The following KIAA0930 variants were observed in gnomAD, a reference collection of about 807,000 sequenced individuals.
KIAA0930 encodes the protein uncharacterized protein KIAA0930.
Under a neutral mutation model 43.9 loss-of-function variants are expected in KIAA0930, and 24 were observed. The ratio of observed to expected loss-of-function variants is 0.55; its 90% confidence interval spans 0.40 to 0.77. The LOEUF is 0.77. Among genes scored for constraint, KIAA0930 ranks in the 30% least tolerant of loss-of-function variants. The pLI is 0.00. For missense variants in KIAA0930, 461 were observed against 574.2 expected (o/e 0.80, Z 2.02); for synonymous variants, 259 against 216.4 (o/e 1.20, Z -1.73).
intron 9 of KIAA0930, among the ~76,000 whole-genome samples, 186 bp from the exon 10 acceptor site, chr22:45,197,402 C>T (rs987329950): frequency 2.0e-5 from 3 of 152,172 alleles, no homozygotes; most frequent in Admixed American, 6.5e-5. Flanking sequence ...GAAATGGGCT[C>T]GCAGCAACGG....
intron 1 of KIAA0930, among the ~76,000 whole-genome samples, chr22:45,239,168 G>A (rs2083903413): frequency 6.6e-6 from 1 of 152,166 alleles, no homozygotes; most frequent in African/African-American, 2.4e-5. Flanking sequence ...CAGGGGAGTG[G>A]GGAGGGACTG....
intron 1 of KIAA0930, 128 bp downstream of exon 1, chr22:45,240,512 A>C (rs181095479): frequency 0.012 from 6,882 of 567,558 alleles, 69 homozygotes; most frequent in Non-Finnish European, 0.017. Context: ...GTACCCAGGC[A>C]GACCCAGAGA....
intron 1 of KIAA0930, among the ~76,000 whole-genome samples, chr22:45,222,341 G>C (rs2083772361): frequency 6.6e-6 from 1 of 152,036 alleles, no homozygotes; most frequent in Non-Finnish European, 1.5e-5. Flanking sequence ...TTTGAGACAG[G>C]GTCCCACTCT....
chr22:45,232,213 G>C (rs1250147179), intron 1 of KIAA0930, among the ~76,000 whole-genome samples: 3 of 152,210 alleles, frequency 2.0e-5, no homozygotes, highest in African/African-American at 7.2e-5. Flanking sequence ...ACACACGAGG[G>C]TGTGCAGGGC....
rs528713111 is a variant in KIAA0930 at position 45,225,087 on chromosome 22, T to C, written c.65-12980A>G. ...TCATGGTCCAAAGGTGGGGGTCAACTGGACTCTTTGGGGAGAGTCCAGGCG... is the reference window on the plus strand; with the variant it reads ...TCATGGTCCAAAGGTGGGGGTCAACCGGACTCTTTGGGGAGAGTCCAGGCG... On this transcript the variant is annotated intron_variant, in intron 1 of 9. Transcript: ENST00000336156. Among the ~76,000 whole-genome samples, 126 of 152,244 alleles carry C rather than the reference T, an allele frequency of 8.3e-4. 4 individuals are homozygous for C. In the South Asian group the frequency reaches 0.013, roughly 16 times the overall value.
intron 1 of KIAA0930, chr22:45,226,251 G>A (rs1601823514): frequency 2.1e-6 from 1 of 471,054 alleles, no homozygotes; most frequent in Non-Finnish European, 4.4e-6. Flanking sequence ...CAGGCCACAT[G>A]TGTGACCACC....
In KIAA0930 at chr22:45,205,105, C is replaced by T. The variant is rs2072716; in HGVS notation, c.516+112G>A. ...ACATCTGCCTCAGCCGGACTCTTCCCGGCTCCAAGCCACCCATGCCTTTCT... is the reference window on the plus strand; with the variant it reads ...ACATCTGCCTCAGCCGGACTCTTCCTGGCTCCAAGCCACCCATGCCTTTCT... On this transcript the variant is annotated intron_variant, in intron 5 of 9. Transcript: ENST00000336156. The T allele has an allele frequency of 0.018, 14,839 of 828,352 alleles. 797 individuals carry two copies. The East Asian group carries it at 0.18, about 10-fold the overall frequency. The allele number at this position is 828,352 out of a possible 1,614,324, so 51.3% of individuals were successfully genotyped here. A position where few individuals can be genotyped will look rare whatever the true frequency, so the allele number is the denominator to read the frequency against.
intron 1 of KIAA0930, chr22:45,212,552 G>C: frequency 7.2e-7 from 1 of 1,398,148 alleles, no homozygotes. Flanking sequence ...GGCTGCGGCA[G>C]TCCCAGCGGG....
chr22:45,206,091 C>T (rs890500882), intron 2 of KIAA0930, among the ~76,000 whole-genome samples, 179 bp from the exon 3 acceptor site: 2 of 152,260 alleles, frequency 1.3e-5, no homozygotes, highest in Non-Finnish European at 2.9e-5. Context: ...TGACAGCTCA[C>T]TGTAGCCTCA....
chr22:45,211,211 C>G (rs772757511), intron 2 of KIAA0930: 1 of 386,228 alleles, frequency 2.6e-6, no homozygotes, highest in Non-Finnish European at 4.6e-6. Context: ...AAGTTCCAGA[C>G]CTAGCTACAC....
chr22:45,204,734 C>T (rs892706449), intron 5 of KIAA0930, among the ~76,000 whole-genome samples: 1 of 151,402 alleles, frequency 6.6e-6, no homozygotes, highest in Admixed American at 6.6e-5. Context: ...CTGTGTTTCT[C>T]GGTGAGTCTC....
chr22:45,205,462 G>C (rs2083628148), intron 4 of KIAA0930, 144 bp from the exon 5 acceptor site: 2 of 921,990 alleles, frequency 2.2e-6, no homozygotes, highest in East Asian at 2.5e-5. Context: ...GGATAAGCTG[G>C]TTCTGTGCTC....
At chr22:45,211,773 A>C (rs2083695788) in intron 2 of KIAA0930, among the ~76,000 whole-genome samples, 183 bp downstream of exon 2, 1 of 152,218 alleles carries the variant, frequency 6.6e-6, no homozygotes. Context: ...GACACCCAGC[A>C]CATCCAGATT....
chr22:45,196,294 G>A lies in KIAA0930; in HGVS notation c.*882C>T, dbSNP rs1415701580. On this transcript the variant is annotated 3_prime_UTR_variant, in exon 10 of 10. Coordinates refer to ENST00000336156, the MANE Select transcript of KIAA0930 (RefSeq NM_001009880.2). The surrounding 1 kb of genome is among the most constrained non-coding windows in gnomAD (Gnocchi z 4.1). ...AAGTGAGTTCTAGGAAACCAGGGAAGATGAAAAGACACCCCCGCCCCCAGA... is the reference window on the plus strand; with the variant it reads ...AAGTGAGTTCTAGGAAACCAGGGAAAATGAAAAGACACCCCCGCCCCCAGA... 2 of 152,410 alleles carry A rather than the reference G, an allele frequency of 1.3e-5. No homozygotes were observed. Among genetic ancestry groups the A allele is most frequent in the Non-Finnish European group, 2.9e-5 (2 of 68,110 alleles). 9.4% of individuals were successfully genotyped at this position (152,410 alleles called of 1,614,324 possible). A position where few individuals can be genotyped will look rare whatever the true frequency, so the allele number is the denominator to read the frequency against.
Position 45,197,926 on chromosome 22 carries a change from G to T in KIAA0930, c.1038C>A (p.Asn346Lys). 1 of 1,614,156 alleles carries T rather than the reference G, an allele frequency of 6.2e-7. No homozygotes were observed. Among genetic ancestry groups the T allele is most frequent in the East Asian group, 2.2e-5 (1 of 44,888 alleles). The change falls in exon 9 of 10, where the codon AAC becomes AAA. Residue 346 changes from asparagine (N) to lysine (K), a missense_variant. Physicochemically the swap from Asn to Lys is moderately conservative, Grantham distance 94. Coordinates refer to ENST00000336156, the MANE Select transcript of KIAA0930 (RefSeq NM_001009880.2). ...TGCCCGACAGGGACCGAGACCGCAG[G>T]TTGGTTGCATTGTGCAGATCGGCTG... Reference protein sequence around the residue: ...DGGADLHNATNLRSRSLSGTG... With the variant: ...DGGADLHNATKLRSRSLSGTG...
At chr22:45,220,564 A>C (rs1011430851) in intron 1 of KIAA0930, among the ~76,000 whole-genome samples, 1 of 152,140 alleles carries the variant, frequency 6.6e-6, no homozygotes, top group African/African-American at 2.4e-5. Flanking sequence ...ATCAAATTCA[A>C]CACGCATTCT....
At chr22:45,200,085 CG>C (rs763100579) in intron 7 of KIAA0930, 50 bp from the exon 8 acceptor site, 28 of 1,522,128 alleles carry the variant, frequency 1.8e-5, no homozygotes, top group South Asian at 2.5e-5. Flanking sequence ...GCCCCCTCCC[CG>C]GGGGTCCCAA....
At chr22:45,217,913 C>A (rs2083743573) in intron 1 of KIAA0930, among the ~76,000 whole-genome samples, 1 of 152,172 alleles carries the variant, frequency 6.6e-6, no homozygotes, top group African/African-American at 2.4e-5. Context: ...ACTGGAAGAG[C>A]CCTTTCCAGG....
chr22:45,212,257 A>AC (rs761913233), intron 1 of KIAA0930, 150 bp from the exon 2 acceptor site: 8 of 1,610,532 alleles, frequency 5.0e-6, no homozygotes, highest in African/African-American at 1.3e-5. Context: ...ACCACTCCCG[A>AC]CCCCCACCCA....
Sources: gnomAD v4.1 joint callset for allele counts (sites outside exome capture counted in the v4.1 genomes callset) on GRCh38, gnomAD v4.1.1 for gene constraint, Gnocchi (gnomAD v3.1) non-coding constraint, MANE v1.5 for transcripts, NCBI Gene and HGNC (gene_info 2026-07-23, HGNC 2026-07-21) for gene names.